TAPBP: variants seen among roughly 807,000 people sequenced by gnomAD.
TAPBP encodes the protein TAP binding protein.
TAPBP carries 38 observed loss-of-function variants against 45.7 expected under a neutral mutation model. The ratio of observed to expected loss-of-function variants is 0.83; its 90% CI spans 0.64 to 1.09. The LOEUF (loss-of-function observed/expected upper bound fraction) is 1.09. Among genes scored for constraint, TAPBP ranks in the 50% least tolerant of loss-of-function variants. The probability of loss-of-function intolerance (pLI) is 0.00; values close to 1 mark genes in which losing one functional copy is unlikely to be tolerated. For missense variants in TAPBP, 513 were observed against 587.3 expected, an observed-to-expected ratio of 0.87 and a Z score of 1.31; for synonymous variants, 226 against 254.8, an observed-to-expected ratio of 0.89 and a Z score of 1.08.
Position 33,313,567 on chromosome 6 carries a change from C to T in TAPBP, c.209-90G>A. ...GTTCGGGGAACTTCAAATGCACAGACTACCCCGTAGTGAGACTCACTTTAC... is the reference window on the plus strand; with the variant it reads ...GTTCGGGGAACTTCAAATGCACAGATTACCCCGTAGTGAGACTCACTTTAC... On this transcript the variant is annotated intron_variant, in intron 2 of 7. Transcript: ENST00000434618. This position sits in a 1 kb window ranked among gnomAD's most constrained non-coding sequence, Gnocchi z 7.2. 6.6e-7 allele frequency: 1 copy of T among 1,520,032 alleles called. No homozygotes were observed. Among genetic ancestry groups the T allele is most frequent in the Non-Finnish European group, 8.8e-7 (1 of 1,131,278 alleles). The allele number at this position is 1,520,032 out of a possible 1,614,324, so 94.2% of individuals were successfully genotyped here.
rs763279263 is a variant in TAPBP at position 33,313,377 on chromosome 6, C to G, written c.309G>C (p.Ala103=). 1.9e-6 allele frequency: 3 copies of G among 1,612,898 alleles called. No homozygotes were observed. In the East Asian group the frequency reaches 6.7e-5, roughly 36 times the overall value. Reference sequence around the variant, plus strand: ...CGGGGGTCAGGCCGCTGGCCCATTTCGCAGAGGCGGGGAGAGGCACGAAGC... The same window carrying G: ...CGGGGGTCAGGCCGCTGGCCCATTTGGCAGAGGCGGGGAGAGGCACGAAGC... The part of the protein sequence containing the change: ...MSRFVPLPAS[A]KWASGLTPAQ... Residue 103 remains alanine, a synonymous_variant, in exon 3 of 8, where the codon GCG becomes GCC. Transcript: ENST00000434618. This position sits in a 1 kb window ranked among gnomAD's most constrained non-coding sequence, Gnocchi z 7.2.
intron 3 of TAPBP, among the ~76,000 whole-genome samples, chr6:33,306,327 C>T (rs1768965962): frequency 6.6e-6 from 1 of 152,206 alleles, no homozygotes; most frequent in African/African-American, 2.4e-5. Flanking sequence ...AAAGCAAACC[C>T]TTGGAGTTAC....
In TAPBP at chr6:33,313,291, A is replaced by G. The variant is rs1360301580; in HGVS notation, c.395T>C (p.Val132Ala). 6.2e-7 allele frequency: 1 copy of G among 1,613,658 alleles called. No individual in the cohort carries two copies. Among genetic ancestry groups the G allele is most frequent in the Non-Finnish European group, 8.5e-7 (1 of 1,179,912 alleles). ...TCGCAAGAGGCTGGAGAGGCTGAGG[A>G]CTGGGCTGGATATGCTGACCATCAG... ...AWLMVSISSP[V>A]LSLSSLLRPQ... The change falls in exon 3 of 8, where the codon GTC becomes GCC. Residue 132 changes from valine (V) to alanine (A), a missense_variant. Physicochemically the swap from Val to Ala is moderately conservative, Grantham distance 64. Coordinates refer to ENST00000434618, the MANE Select transcript of TAPBP (RefSeq NM_003190.5). This position sits in a 1 kb window ranked among gnomAD's most constrained non-coding sequence, Gnocchi z 7.2.
At position 33,313,986 on chromosome 6, in the gene TAPBP, A is replaced by G. The variant is rs1389276772; in HGVS notation, c.37+19T>C. On this transcript the variant is annotated intron_variant, in intron 1 of 7. Transcript: ENST00000434618. This position sits in a 1 kb window ranked among gnomAD's most constrained non-coding sequence, Gnocchi z 7.2. ...GCTTCCCTCTAGTTCTTGGGCGATGAGTCGCGGGGTTCGCTCACCCAAAGC... is the reference window on the plus strand; with the variant it reads ...GCTTCCCTCTAGTTCTTGGGCGATGGGTCGCGGGGTTCGCTCACCCAAAGC... 6.2e-7 allele frequency: 1 copy of G among 1,613,788 alleles called. No homozygotes were observed. Among genetic ancestry groups the G allele is most frequent in the Non-Finnish European group, 8.5e-7 (1 of 1,180,008 alleles).
intron 7 of TAPBP, 68 bp downstream of exon 7, chr6:33,303,887 A>T (rs777266501): frequency 1.2e-6 from 2 of 1,613,758 alleles, no homozygotes; most frequent in African/African-American, 2.7e-5. Flanking sequence ...GCCTCCCTCC[A>T]TGGGTTTTGA....
rs1318977324 is a variant in TAPBP, at chr6:33,305,772, A to G, written c.470-385T>C. 6.6e-6 allele frequency among the ~76,000 whole-genome samples: 1 copy of G among 151,832 alleles called. No homozygotes were observed. Among genetic ancestry groups the G allele is most frequent in the Non-Finnish European group, 1.5e-5 (1 of 68,034 alleles). On this transcript the variant is annotated intron_variant, in intron 3 of 7. Coordinates refer to ENST00000434618, the MANE Select transcript of TAPBP (RefSeq NM_003190.5). This position sits in a 1 kb window ranked among gnomAD's most constrained non-coding sequence, Gnocchi z 4.4. Reference sequence around the variant, plus strand: ...CCCTTGAGGAACCAGGCCTTTCTTGATTACAGGCGAAGACAATGATTGAGC... The same window carrying G: ...CCCTTGAGGAACCAGGCCTTTCTTGGTTACAGGCGAAGACAATGATTGAGC...
At chr6:33,311,106 C>T (rs1769311604) in intron 3 of TAPBP, among the ~76,000 whole-genome samples, 2 of 151,660 alleles carry the variant, frequency 1.3e-5, no homozygotes. Context: ...CACCTTAGGT[C>T]AGGAGTTCAA....
At chr6:33,303,746 A>G (rs1227695361) in intron 7 of TAPBP, 1 of 1,549,554 alleles carries the variant, frequency 6.5e-7, no homozygotes, top group African/African-American at 1.4e-5. Context: ...TAACTTTTTA[A>G]AATCCCTACA....
rs1768630501 is a variant in TAPBP at position 33,302,125 on chromosome 6, A to G, written c.1336-354T>C. 2.0e-5 allele frequency among the ~76,000 whole-genome samples: 3 copies of G among 148,296 alleles called. No homozygotes were observed. The South Asian group carries it at 6.3e-4, about 31-fold the overall frequency. On this transcript the variant is annotated intron_variant, in intron 7 of 7. Transcript: ENST00000434618. ...ATACTTAAGGTGAGAAAAGGGCTGC[A>G]ATTTATTTTCTTTTCTTTCTTTTTT...
chr6:33,304,214 A>C lies in TAPBP; in HGVS notation c.1214T>G (p.Leu405Arg). 6.2e-7 allele frequency: 1 copy of C among 1,613,396 alleles called. No homozygotes were observed. The highest frequency in any genetic ancestry group is 8.5e-7 in the Non-Finnish European group (1 of 1,179,690). ...SAEVTLEVAG[L>R]SGPSLEDSVG... is the part of the protein sequence containing the mutation. ...GCTGTCCTCAAGGGAGGGCCCTGAA[A>C]GACCTGGCAGGCAGAAGGGGTGAGA... The change falls in exon 6 of 8, where the codon CTT becomes CGT. Residue 405 changes from leucine to arginine, a missense_variant. By Grantham distance (102) the Leu-to-Arg change is moderately radical. Transcript: ENST00000434618.
chr6:33,301,664 G>T lies in TAPBP; in HGVS notation c.*96C>A. ...CCACTCAGTGGAGAGAGATTGGAGG[G>T]ATTAGGAGCAGATGATAGGGTATTA... On this transcript the variant is annotated 3_prime_UTR_variant, in exon 8 of 8. Transcript: ENST00000434618. 9.0e-7 allele frequency: 1 copy of T among 1,107,770 alleles called. No homozygotes were observed. Among genetic ancestry groups the T allele is most frequent in the Non-Finnish European group, 1.4e-6 (1 of 728,832 alleles). The allele number at this position is 1,107,770 out of a possible 1,614,324, so 68.6% of individuals were successfully genotyped here. A position where few individuals can be genotyped will look rare whatever the true frequency, so the allele number is the denominator to read the frequency against.
At chr6:33,307,448 C>T (rs1015341751) in intron 3 of TAPBP, among the ~76,000 whole-genome samples, 5 of 122,474 alleles carry the variant, frequency 4.1e-5, no homozygotes, top group African/African-American at 1.3e-4. Context: ...GTCACCTAGG[C>T]TAGAGTATAG....
rs1043185117 is a variant in TAPBP, at chr6:33,305,468, T to C, written c.470-81A>G. On this transcript the variant is annotated intron_variant, in intron 3 of 7. Coordinates refer to ENST00000434618, the MANE Select transcript of TAPBP (RefSeq NM_003190.5). The surrounding 1 kb of genome is among the most constrained non-coding windows in gnomAD (Gnocchi z 4.4). ...AGAAAAAAATAGAGAAATGCAGTTA[T>C]TGGGGAGGGCTAAACTGCAGTTTAC... The C allele has an allele frequency of 1.5e-5, 21 of 1,410,328 alleles. No individual in the cohort carries two copies. The highest frequency in any genetic ancestry group is 1.0e-4 in the African/African-American group (7 of 69,830). The allele number at this position is 1,410,328 out of a possible 1,614,324, so 87.4% of individuals were successfully genotyped here.
intron 7 of TAPBP, among the ~76,000 whole-genome samples, chr6:33,302,177 A>G (rs1402264678): frequency 7.5e-6 from 1 of 132,626 alleles, no homozygotes; most frequent in Non-Finnish European, 1.6e-5. Flanking sequence ...ACAGGGTCTC[A>G]CTTTGTCACC....
In TAPBP at chr6:33,313,172, C is replaced by A; in HGVS notation, c.469+45G>T. On this transcript the variant is annotated intron_variant, in intron 3 of 7. Coordinates refer to ENST00000434618, the MANE Select transcript of TAPBP (RefSeq NM_003190.5). The surrounding 1 kb of genome is among the most constrained non-coding windows in gnomAD (Gnocchi z 7.2). ...AAGCGAGACCACCGGCTGATCTGGA[C>A]CCTTAGAATCTACCCACCCTTCTCC... 1.3e-6 allele frequency: 2 copies of A among 1,572,712 alleles called. No individual in the cohort carries two copies. Among genetic ancestry groups the A allele is most frequent in the South Asian group, 1.1e-5 (1 of 87,506 alleles).
chr6:33,313,125 A>T lies in TAPBP; in HGVS notation c.469+92T>A, dbSNP rs1769481747. Reference sequence around the variant, plus strand: ...AAAGGAAACTGAACCCCGATTGGCGAAATGTCTTGCTCAAGTCCATAAAGC... The same window carrying T: ...AAAGGAAACTGAACCCCGATTGGCGTAATGTCTTGCTCAAGTCCATAAAGC... On this transcript the variant is annotated intron_variant, in intron 3 of 7. Transcript: ENST00000434618. The surrounding 1 kb of genome is among the most constrained non-coding windows in gnomAD (Gnocchi z 7.2). 6.9e-7 allele frequency: 1 copy of T among 1,450,910 alleles called. No individual in the cohort carries two copies. The highest frequency in any genetic ancestry group is 1.4e-5 in the African/African-American group (1 of 70,454). 89.9% of individuals were successfully genotyped at this position (1,450,910 alleles called of 1,614,324 possible). A position where few individuals can be genotyped will look rare whatever the true frequency, so the allele number is the denominator to read the frequency against.
intron 7 of TAPBP, among the ~76,000 whole-genome samples, chr6:33,303,362 T>C (rs1475810683): frequency 6.6e-6 from 1 of 151,782 alleles, no homozygotes; most frequent in Non-Finnish European, 1.5e-5. Flanking sequence ...GAGGTTGCAG[T>C]GAGCCGAGAT....
chr6:33,302,940 G>C (rs921547185), intron 7 of TAPBP, among the ~76,000 whole-genome samples: 5 of 152,130 alleles, frequency 3.3e-5, no homozygotes, highest in Non-Finnish European at 5.9e-5. Context: ...ATCGCACCCG[G>C]CCTGTAATTT....
chr6:33,308,627 A>G lies in TAPBP; in HGVS notation c.470-3240T>C, dbSNP rs116604885. On this transcript the variant is annotated intron_variant, in intron 3 of 7. Coordinates refer to ENST00000434618, the MANE Select transcript of TAPBP (RefSeq NM_003190.5). ...TCCCATTTTCTCCCAAACATCTATCAAGCTTGTCCAACCTCCAGCCCAGGG... is the reference window on the plus strand; with the variant it reads ...TCCCATTTTCTCCCAAACATCTATCGAGCTTGTCCAACCTCCAGCCCAGGG... 3.9e-3 allele frequency among the ~76,000 whole-genome samples: 594 copies of G among 152,178 alleles called. 4 individuals carry two copies. The highest frequency in any genetic ancestry group is 0.014 in the African/African-American group (567 of 41,512).
Sources: allele counts gnomAD v4.1 joint callset (sites outside exome capture counted in the v4.1 genomes callset), GRCh38; gene constraint gnomAD v4.1.1; non-coding constraint Gnocchi (gnomAD v3.1); transcripts MANE v1.5; gene names NCBI Gene and HGNC (gene_info 2026-07-23, HGNC 2026-07-21).